Variants in MTRF1 observed in about 807,000 individuals in gnomAD.
MTRF1 encodes the protein peptide chain release factor 1, mitochondrial.
In MTRF1, 51 loss-of-function variants were observed where a neutral mutation model predicts 62.9. The ratio of observed to expected loss-of-function variants is 0.81; its 90% confidence interval spans 0.65 to 1.02. MTRF1 has a LOEUF of 1.02. Ranked by LOEUF, MTRF1 falls within the 50% of genes least tolerant of loss-of-function variation. MTRF1 has a pLI of 0.00. For missense variants in MTRF1, 446 were observed against 530.0 expected (o/e 0.84, Z 1.56); for synonymous variants, 158 against 181.9 (o/e 0.87, Z 1.06).
At chr13:41,277,369 T>C in the MTRF1 span, among the ~76,000 whole-genome samples, 1 of 152,128 alleles carries the variant, frequency 6.6e-6, no homozygotes, top group Non-Finnish European at 1.5e-5. Flanking sequence ...TGAGCTCAGA[T>C]GATCCGCCTA....
At chr13:41,222,011 A>G (rs1433706554) in intron 9 of MTRF1, among the ~76,000 whole-genome samples, 1 of 152,230 alleles carries the variant, frequency 6.6e-6, no homozygotes, top group Non-Finnish European at 1.5e-5. Flanking sequence ...GGCATAAGAC[A>G]TACAGAAATT....
chr13:41,293,564 G>A, the MTRF1 span, among the ~76,000 whole-genome samples: 1 of 152,092 alleles, frequency 6.6e-6, no homozygotes, highest in Non-Finnish European at 1.5e-5. Context: ...TGTTACAGCC[G>A]TATCTTCTGG....
the MTRF1 span, among the ~76,000 whole-genome samples, chr13:41,290,656 G>A: frequency 3.3e-5 from 5 of 151,460 alleles, no homozygotes; most frequent in African/African-American, 9.7e-5. Context: ...GCCTCCCAAA[G>A]TGCTGGGATT....
intron 9 of MTRF1, among the ~76,000 whole-genome samples, chr13:41,222,628 G>C (rs116358809): frequency 1.2e-3 from 184 of 152,352 alleles, no homozygotes; most frequent in African/African-American, 3.6e-3. Flanking sequence ...AAGTGGGAGA[G>C]AGTCTCTGGA....
At chr13:41,269,365 A>G in the MTRF1 span, among the ~76,000 whole-genome samples, 9 of 151,726 alleles carry the variant, frequency 5.9e-5, no homozygotes, top group South Asian at 8.3e-4. Context: ...ACACCCAGGT[A>G]ATTTTTGTAT....
the MTRF1 span, among the ~76,000 whole-genome samples, chr13:41,281,218 ACTC>A: frequency 6.6e-6 from 1 of 151,872 alleles, no homozygotes; most frequent in Non-Finnish European, 1.5e-5. Context: ...TGCCAGTTTC[ACTC>A]CTCTATCAAA....
chr13:41,252,929 A>C lies in MTRF1; in HGVS notation c.589+20T>G, dbSNP rs2039258141. 6.5e-7 allele frequency: 1 copy of C among 1,548,458 alleles called. No homozygotes were observed. Among genetic ancestry groups the C allele is most frequent in the East Asian group, 2.2e-5 (1 of 44,506 alleles). ...CAAGGACTTTTTAGATCATTTAAAT[A>C]ATAAAGTAAGTTTACTGACCTCCAG... is the stretch of plus-strand genomic sequence containing the variant. On this transcript the variant is annotated intron_variant, in intron 4 of 9. Transcript: ENST00000379480.
chr13:41,286,744 C>T, the MTRF1 span, among the ~76,000 whole-genome samples: 2 of 152,074 alleles, frequency 1.3e-5, no homozygotes, highest in Non-Finnish European at 2.9e-5. Context: ...GAGTTCTGTT[C>T]GAAATCTTAG....
At position 41,217,086 on chromosome 13, in the gene MTRF1, T is replaced by C. The variant is rs769154955; in HGVS notation, c.*29A>G. 3 of 1,320,576 alleles carry C rather than the reference T, an allele frequency of 2.3e-6. No homozygotes were observed. Among genetic ancestry groups the C allele is most frequent in the Admixed American group, 1.8e-5 (1 of 54,514 alleles). 81.8% of individuals were successfully genotyped at this position (1,320,576 alleles called of 1,614,324 possible). A position where few individuals can be genotyped will look rare whatever the true frequency, so the allele number is the denominator to read the frequency against. ...TCTTGATATAGGTCCATTTCATTTA[T>C]ATAATCATAAATAATAATAAGTTAG... On this transcript the variant is annotated 3_prime_UTR_variant, in exon 10 of 10. Coordinates refer to ENST00000379480, the MANE Select transcript of MTRF1 (RefSeq NM_004294.4).
At chr13:41,224,357 T>C (rs867425832) in intron 8 of MTRF1, among the ~76,000 whole-genome samples, 25 of 152,302 alleles carry the variant, frequency 1.6e-4, no homozygotes, top group Middle Eastern at 3.4e-3. Flanking sequence ...ACACCCGATA[T>C]ACACAGCACC....
intron 9 of MTRF1, among the ~76,000 whole-genome samples, chr13:41,221,178 A>C: frequency 6.9e-6 from 1 of 144,446 alleles, no homozygotes; most frequent in Non-Finnish European, 1.5e-5. Context: ...TTTTTCTGAG[A>C]CAGAGTCTTG....
rs537256291 is a variant in MTRF1, at chr13:41,259,158, T to C, written c.415+1335A>G. On this transcript the variant is annotated intron_variant, in intron 2 of 9. Coordinates refer to ENST00000379480, the MANE Select transcript of MTRF1 (RefSeq NM_004294.4). ...TGGAGAAATATGAACCCTCATACAC[T>C]GTGTGTAGAGCTGTAAAATCGTTAT... is the stretch of plus-strand genomic sequence containing the variant. 3.3e-5 allele frequency among the ~76,000 whole-genome samples: 5 copies of C among 152,310 alleles called. No homozygotes were observed. In the East Asian group the frequency reaches 7.7e-4, roughly 23 times the overall value.
the MTRF1 span, among the ~76,000 whole-genome samples, chr13:41,274,610 G>T: frequency 6.6e-6 from 1 of 151,390 alleles, no homozygotes; most frequent in Non-Finnish European, 1.5e-5. Context: ...GCTTGCGGCT[G>T]GAATGTTTAC....
the MTRF1 span, among the ~76,000 whole-genome samples, chr13:41,282,209 C>G: frequency 2.0e-5 from 3 of 151,618 alleles, no homozygotes; most frequent in African/African-American, 7.3e-5. Flanking sequence ...TAAGAATAGG[C>G]TAATGGCGAT....
At chr13:41,217,365 C>A (rs1438132251) in intron 9 of MTRF1, 137 bp from the exon 10 acceptor site, 1 of 487,366 alleles carries the variant, frequency 2.1e-6, no homozygotes, top group Non-Finnish European at 3.7e-6. Context: ...ATACAATGAA[C>A]ACAATCGCTA....
intron 7 of MTRF1, among the ~76,000 whole-genome samples, chr13:41,230,703 T>C (rs1314744090): frequency 6.6e-6 from 1 of 150,792 alleles, no homozygotes; most frequent in Non-Finnish European, 1.5e-5. Context: ...ATCATAATCA[T>C]GTCTGACTTC....
chr13:41,234,047 T>G (rs1451279003), intron 6 of MTRF1, 40 bp from the exon 7 acceptor site: 1 of 1,402,730 alleles, frequency 7.1e-7, no homozygotes, highest in Non-Finnish European at 1.0e-6. Context: ...ACTCCGTGAA[T>G]ACTTTAATAT....
chr13:41,259,785 A>C (rs11840294), intron 2 of MTRF1, among the ~76,000 whole-genome samples: 94,388 of 151,660 alleles, frequency 0.62, 29,732 homozygotes, highest in Admixed American at 0.65. Flanking sequence ...CTCCAGGAAG[A>C]TTTACCCAAT....
chr13:41,242,081 A>G (rs1486355239), intron 5 of MTRF1, among the ~76,000 whole-genome samples: 1 of 152,232 alleles, frequency 6.6e-6, no homozygotes, highest in Non-Finnish European at 1.5e-5. Flanking sequence ...AAAGCAAGAT[A>G]AATGTTTGAT....
Sources: gnomAD v4.1 joint callset for allele counts (sites outside exome capture counted in the v4.1 genomes callset) on GRCh38, gnomAD v4.1.1 for gene constraint, MANE v1.5 for transcripts, NCBI Gene and HGNC (gene_info 2026-07-23, HGNC 2026-07-21) for gene names.